Variants in ANO2 observed in about 807,000 individuals in gnomAD.
ANO2 encodes the protein anoctamin-2.
Under a neutral mutation model 124.2 loss-of-function variants are expected in ANO2, and 101 were observed. The ratio of observed to expected loss-of-function variants is 0.81; its 90% CI spans 0.69 to 0.96. The LOEUF (loss-of-function observed/expected upper bound fraction) is 0.96, where lower values mean the gene tolerates loss of function less well. Ranked by LOEUF, ANO2 falls within the 40% of genes least tolerant of loss-of-function variation. The pLI, the probability that ANO2 is intolerant of heterozygous loss-of-function variation, is 0.00. For missense variants in ANO2, 1,293 were observed against 1,274.5 expected (o/e 1.01, Z -0.22); for synonymous variants, 486 against 482.5 (o/e 1.01, Z -0.09).
intron 1 of ANO2, 123 bp downstream of exon 1, chr12:5,945,073 C>A: frequency 1.1e-6 from 1 of 909,690 alleles, no homozygotes; most frequent in Admixed American, 2.9e-5. Context: ...TCCCGCACCA[C>A]CCTGCCCAGG....
intron 23 of ANO2, among the ~76,000 whole-genome samples, chr12:5,572,633 A>G (rs1244887947): frequency 1.3e-5 from 2 of 152,196 alleles, no homozygotes; most frequent in Non-Finnish European, 2.9e-5. Flanking sequence ...TTATACAACC[A>G]ATGCCAAGCC....
chr12:5,914,851 G>A (rs1941287041), intron 3 of ANO2, among the ~76,000 whole-genome samples: 1 of 152,188 alleles, frequency 6.6e-6, no homozygotes, highest in African/African-American at 2.4e-5. Flanking sequence ...CTGGTTCTCA[G>A]ACCCCTCCCT....
rs73257237 is a variant in ANO2, at chr12:5,869,037, G to A, written c.535-14896C>T. On this transcript the variant is annotated intron_variant, in intron 3 of 24. Transcript: ENST00000682330. The stretch of plus-strand genomic sequence containing the variant: ...GGGGAAGCTGGAAAAAGGCAGAGGT[G>A]ATGAGGGCTTGGAGCAGATGGAAGA... 7.3e-3 allele frequency among the ~76,000 whole-genome samples: 1,114 copies of A among 152,314 alleles called. 17 individuals carry two copies. Among genetic ancestry groups the A allele is most frequent in the African/African-American group, 0.025 (1,046 of 41,552 alleles).
chr12:5,856,227 A>T (rs527454403), intron 3 of ANO2: 1 of 152,330 alleles, frequency 6.6e-6, no homozygotes, highest in African/African-American at 2.4e-5. Context: ...CTAAGAGGAG[A>T]TCACAATGAT....
chr12:5,932,953 A>G (rs528991500), intron 1 of ANO2, among the ~76,000 whole-genome samples: 1 of 152,298 alleles, frequency 6.6e-6, no homozygotes, highest in Non-Finnish European at 1.5e-5. Flanking sequence ...TCCAGGAAGA[A>G]AGGCAGTGAT....
At chr12:5,923,253 CACAT>C (rs1247182313) in intron 1 of ANO2, among the ~76,000 whole-genome samples, 14 of 74,688 alleles carry the variant, frequency 1.9e-4, no homozygotes, top group South Asian at 7.9e-4. Context: ...CGCATACACA[CACAT>C]ACACACACAC....
chr12:5,862,675 G>A lies in ANO2; in HGVS notation c.535-8534C>T, dbSNP rs867372821. On this transcript the variant is annotated intron_variant, in intron 3 of 24. Coordinates refer to ENST00000682330, the MANE Select transcript of ANO2 (RefSeq NM_001364791.2). The surrounding 1 kb of genome is among the most constrained non-coding windows in gnomAD (Gnocchi z 4.0). Reference sequence around the variant, plus strand: ...AGCTCCCATAATTCCCACATGTTGCGGGAGGGACCTGGTGGGAGGTAACTG... The same window carrying A: ...AGCTCCCATAATTCCCACATGTTGCAGGAGGGACCTGGTGGGAGGTAACTG... 2.0e-5 allele frequency among the ~76,000 whole-genome samples: 3 copies of A among 152,310 alleles called. No homozygotes were observed. The highest frequency in any genetic ancestry group is 3.9e-4 in the East Asian group (2 of 5,180).
chr12:5,723,268 G>T (rs1314682652), intron 14 of ANO2, among the ~76,000 whole-genome samples: 2 of 152,182 alleles, frequency 1.3e-5, no homozygotes, highest in Non-Finnish European at 2.9e-5. Context: ...GGCCGTGAAG[G>T]CTGGCTCTCC....
chr12:5,814,810 TC>T (rs1433625661), intron 7 of ANO2, among the ~76,000 whole-genome samples: 5 of 152,232 alleles, frequency 3.3e-5, no homozygotes, highest in Non-Finnish European at 5.9e-5. Context: ...TTTATCCATT[TC>T]CTAATTAAAT....
chr12:5,773,463 A>G (rs1952142670), intron 10 of ANO2, among the ~76,000 whole-genome samples: 1 of 152,242 alleles, frequency 6.6e-6, no homozygotes. Context: ...AGCCGCAATT[A>G]GAAACTGGAT....
intron 20 of ANO2, among the ~76,000 whole-genome samples, chr12:5,584,252 C>T (rs1286653413): frequency 6.6e-6 from 1 of 151,904 alleles, no homozygotes; most frequent in Non-Finnish European, 1.5e-5. Context: ...CTCTGCCTAC[C>T]CCGCCAAAGG....
chr12:5,710,741 C>T (rs1949781923), intron 14 of ANO2, among the ~76,000 whole-genome samples: 1 of 152,056 alleles, frequency 6.6e-6, no homozygotes, highest in Non-Finnish European at 1.5e-5. Flanking sequence ...AGGGAAAATG[C>T]TAACCACAAG....
intron 16 of ANO2, among the ~76,000 whole-genome samples, chr12:5,620,289 C>G (rs1945044823): frequency 6.6e-6 from 1 of 152,228 alleles, no homozygotes; most frequent in Non-Finnish European, 1.5e-5. Flanking sequence ...CCAACAGCAT[C>G]TGTCATAGTC....
chr12:5,745,905 T>C (rs1415761100), intron 11 of ANO2, among the ~76,000 whole-genome samples: 5 of 152,226 alleles, frequency 3.3e-5, no homozygotes, highest in Non-Finnish European at 5.9e-5. Context: ...GGGTCAGACC[T>C]GTGTTTGCTA....
Position 5,721,532 on chromosome 12 carries a change from G to C in ANO2, c.1545+10988C>G, listed in dbSNP as rs1193535428. On this transcript the variant is annotated intron_variant, in intron 14 of 24. Coordinates refer to ENST00000682330, the MANE Select transcript of ANO2 (RefSeq NM_001364791.2). ...TTTTTGTTTTTTTTTAAGAGGCAGA[G>C]ACTCGCTTTGTCACCCAGGTTTCAG... is the stretch of plus-strand genomic sequence containing the variant. Among the ~76,000 whole-genome samples the C allele has an allele frequency of 3.3e-5, 5 of 150,554 alleles. No homozygotes were observed. In the East Asian group the frequency reaches 9.7e-4, roughly 29 times the overall value.
At chr12:5,722,596 T>A (rs1950276087) in intron 14 of ANO2, among the ~76,000 whole-genome samples, 1 of 152,232 alleles carries the variant, frequency 6.6e-6, no homozygotes, top group African/African-American at 2.4e-5. Context: ...TGTCAAGCAT[T>A]GCTGGGCTTC....
chr12:5,881,745 T>C (rs940862557), intron 3 of ANO2: 5 of 152,224 alleles, frequency 3.3e-5, no homozygotes, highest in African/African-American at 1.2e-4. Context: ...TTATGAGGGC[T>C]AACCAATCAA....
intron 4 of ANO2, among the ~76,000 whole-genome samples, chr12:5,841,074 C>A (rs1051723346): frequency 6.6e-6 from 1 of 152,212 alleles, no homozygotes; most frequent in Non-Finnish European, 1.5e-5. Context: ...CACTGCTCTC[C>A]CCGCCAGGTG....
chr12:5,658,815 C>T lies in ANO2; in HGVS notation c.1546-11014G>A, dbSNP rs1947305569. ...TCATCAATATCATCATCATCAACAT[C>T]ATCATTAAATCATCAGCAGCATCAA... On this transcript the variant is annotated intron_variant, in intron 14 of 24. Coordinates refer to ENST00000682330, the MANE Select transcript of ANO2 (RefSeq NM_001364791.2). The surrounding 1 kb of genome is among the most constrained non-coding windows in gnomAD (Gnocchi z 4.3). Among the ~76,000 whole-genome samples the T allele has an allele frequency of 6.6e-6, 1 of 152,088 alleles. No individual in the cohort carries two copies. Among genetic ancestry groups the T allele is most frequent in the South Asian group, 2.1e-4 (1 of 4,808 alleles).
Sources: gnomAD v4.1 joint callset for allele counts (sites outside exome capture counted in the v4.1 genomes callset) on GRCh38, gnomAD v4.1.1 for gene constraint, Gnocchi (gnomAD v3.1) non-coding constraint, MANE v1.5 for transcripts, NCBI Gene and HGNC (gene_info 2026-07-23, HGNC 2026-07-21) for gene names.